Variants in DPY19L4 observed in about 807,000 individuals in gnomAD.
The protein encoded by DPY19L4 is probable C-mannosyltransferase DPY19L4.
A neutral mutation model predicts 102.8 loss-of-function variants in DPY19L4; 97 were observed. The observed-to-expected ratio is 0.94, with a 90% CI of 0.80 to 1.12. The LOEUF (loss-of-function observed/expected upper bound fraction) is 1.12, where lower values mean the gene tolerates loss of function less well. Ranked by LOEUF, DPY19L4 falls within the 50% of genes most tolerant of loss-of-function variation. DPY19L4 has a pLI of 0.00. For synonymous variants in DPY19L4, 252 were observed against 283.1 expected (o/e 0.89, Z 1.10); for missense variants, 815 against 850.4 (o/e 0.96, Z 0.52).
chr8:94,732,303 A>T (rs1005574774), intron 2 of DPY19L4, among the ~76,000 whole-genome samples: 1 of 151,784 alleles, frequency 6.6e-6, no homozygotes, highest in Non-Finnish European at 1.5e-5. Flanking sequence ...TTAGTCCCTT[A>T]TTTTTTTTAT....
rs1373926659 is a variant in DPY19L4, at chr8:94,793,063, A to G, written c.*3153A>G. The G allele has an allele frequency of 2.0e-5, 3 of 152,180 alleles. No individual in the cohort carries two copies. In the East Asian group the frequency reaches 5.8e-4, roughly 29 times the overall value. The allele number at this position is 152,180 out of a possible 1,614,324, so 9.4% of individuals were successfully genotyped here. A position where few individuals can be genotyped will look rare whatever the true frequency, so the allele number is the denominator to read the frequency against. On this transcript the variant is annotated 3_prime_UTR_variant, in exon 19 of 19. Transcript: ENST00000414645. ...GAGTTTAAGAACCTAAGGAGTATGCATTGTACTTCAGTGCTAACTTTTTTC... is the reference window on the plus strand; with the variant it reads ...GAGTTTAAGAACCTAAGGAGTATGCGTTGTACTTCAGTGCTAACTTTTTTC...
intron 17 of DPY19L4, among the ~76,000 whole-genome samples, chr8:94,784,275 A>G (rs1813560842): frequency 6.6e-6 from 1 of 151,768 alleles, no homozygotes; most frequent in South Asian, 2.1e-4. Context: ...CAGTGGCGCA[A>G]TCTCGGCTCA....
In DPY19L4 at chr8:94,770,504, A is replaced by C. The variant is rs377470836; in HGVS notation, c.1387A>C (p.Arg463=). 3 of 1,614,006 alleles carry C rather than the reference A, an allele frequency of 1.9e-6. No individual in the cohort carries two copies. In the South Asian group the frequency reaches 3.3e-5, roughly 18 times the overall value. ...VTLEDGRIGE[R]PEIIYHVIHT... Reference sequence around the variant, plus strand: ...TCTTGAAGATGGACGAATTGGAGAAAGACCAGAAATAATTTATCATGTAAT... The same window carrying C: ...TCTTGAAGATGGACGAATTGGAGAACGACCAGAAATAATTTATCATGTAAT... Residue 463 remains arginine (R), a synonymous_variant, in exon 13 of 19, where the codon AGA becomes CGA. Transcript: ENST00000414645.
intron 13 of DPY19L4, 104 bp from the exon 14 acceptor site, chr8:94,777,562 T>G: frequency 1.5e-6 from 2 of 1,370,096 alleles, no homozygotes; most frequent in Non-Finnish European, 2.0e-6. Context: ...TCCCTTAGCA[T>G]TTTGGTATTT....
intron 2 of DPY19L4, among the ~76,000 whole-genome samples, chr8:94,726,689 G>A (rs1427218592): frequency 6.6e-6 from 1 of 152,100 alleles, no homozygotes; most frequent in African/African-American, 2.4e-5. Context: ...CCGTATTTGG[G>A]AAAGATTTTT....
At chr8:94,780,237 A>AT (rs918859758) in intron 14 of DPY19L4, 122 bp from the exon 15 acceptor site, 23 of 701,170 alleles carry the variant, frequency 3.3e-5, no homozygotes, top group South Asian at 1.1e-4. Flanking sequence ...TGTTGACTTC[A>AT]TTTTTTTTGA....
At chr8:94,769,309 G>A (rs1007675277) in intron 12 of DPY19L4, among the ~76,000 whole-genome samples, 1 of 151,928 alleles carries the variant, frequency 6.6e-6, no homozygotes. Context: ...TGATCCACCC[G>A]TCTTGGCCTC....
At chr8:94,763,302 T>A (rs923196440) in intron 8 of DPY19L4, among the ~76,000 whole-genome samples, 5 of 150,640 alleles carry the variant, frequency 3.3e-5, no homozygotes, top group Admixed American at 6.6e-5. Flanking sequence ...TTGACTGATT[T>A]TTTTTCTGTC....
chr8:94,760,127 T>G (rs749138519), intron 7 of DPY19L4, among the ~76,000 whole-genome samples: 1 of 152,258 alleles, frequency 6.6e-6, no homozygotes, highest in Non-Finnish European at 1.5e-5. Flanking sequence ...AGGTTGTGTT[T>G]GATACGTAGT....
Position 94,790,046 on chromosome 8 carries a change from G to A in DPY19L4, c.*136G>A. 3 of 797,630 alleles carry A rather than the reference G, an allele frequency of 3.8e-6. No homozygotes were observed. Among genetic ancestry groups the A allele is most frequent in the South Asian group, 2.0e-5 (1 of 50,666 alleles). 49.4% of individuals were successfully genotyped at this position (797,630 alleles called of 1,614,324 possible). A position where few individuals can be genotyped will look rare whatever the true frequency, so the allele number is the denominator to read the frequency against. On this transcript the variant is annotated 3_prime_UTR_variant, in exon 19 of 19. Transcript: ENST00000414645. ...TCTTTCCCCCTTCTGCTGTTAACTG[G>A]ATCCAGAGTTCTGTGGGAAATAGAA...
At chr8:94,765,113 T>C (rs1812610626) in intron 8 of DPY19L4, 70 bp from the exon 9 acceptor site, 1 of 1,126,950 alleles carries the variant, frequency 8.9e-7, no homozygotes, top group Non-Finnish European at 1.2e-6. Context: ...GTTAAATCTA[T>C]ATAAAACAAA....
At chr8:94,788,095 A>ATATATATATATATATATATATAT (rs778540423) in intron 18 of DPY19L4, 43 bp downstream of exon 18, 1 of 939,262 alleles carries the variant, frequency 1.1e-6, no homozygotes, top group African/African-American at 2.3e-5. Flanking sequence ...ATATATATAT[A>ATATATATATATATATATATATAT]TTTTTTTTTT....
At position 94,732,888 on chromosome 8, in the gene DPY19L4, A is replaced by T. The variant is rs1296278653; in HGVS notation, c.128-1742A>T. Among the ~76,000 whole-genome samples the T allele has an allele frequency of 2.8e-5, 4 of 141,202 alleles. No individual in the cohort carries two copies. The South Asian group carries it at 8.6e-4, about 30-fold the overall frequency. The allele number at this position is 141,202 out of a possible 152,430, so 92.6% of individuals were successfully genotyped here. On this transcript the variant is annotated intron_variant, in intron 2 of 18. Transcript: ENST00000414645. The stretch of plus-strand genomic sequence containing the variant: ...TGCAGTGTTGCCATCTCGGTTCACT[A>T]CAACCTCTGCCTCCTGGGCTAAAGC...
At chr8:94,757,537 G>A (rs1163044357) in intron 7 of DPY19L4, among the ~76,000 whole-genome samples, 2 of 151,968 alleles carry the variant, frequency 1.3e-5, no homozygotes, top group East Asian at 1.9e-4. Flanking sequence ...AGCCTCCTGT[G>A]TAGCTGAGAT....
At chr8:94,758,734 A>AT (rs1812271325) in intron 7 of DPY19L4, among the ~76,000 whole-genome samples, 1 of 145,886 alleles carries the variant, frequency 6.9e-6, no homozygotes. Context: ...GTATTTTAGC[A>AT]ATTTTTTTTT....
chr8:94,782,508 T>TTTTTTTTTTTTTTTTTGAGACG (rs1563617066), intron 16 of DPY19L4, among the ~76,000 whole-genome samples: 11 of 151,774 alleles, frequency 7.2e-5, no homozygotes, highest in Middle Eastern at 3.4e-3. Context: ...TGGCCATTTT[T>TTTTTTTTTTTTTTTTTGAGACG]GTAACCAGTC....
chr8:94,733,118 C>CG (rs1811038695), intron 2 of DPY19L4, among the ~76,000 whole-genome samples: 2 of 76,328 alleles, frequency 2.6e-5, no homozygotes, highest in Middle Eastern at 0.013. Context: ...TCATCTTAAC[C>CG]TTTTTTTTTT....
intron 1 of DPY19L4, 96 bp downstream of exon 1, chr8:94,720,110 C>T: frequency 1.4e-6 from 2 of 1,401,594 alleles, no homozygotes; most frequent in Non-Finnish European, 1.8e-6. Flanking sequence ...TGCTGGTGGC[C>T]GCGGTCGCGG....
Position 94,754,585 on chromosome 8 carries a change from C to G in DPY19L4, c.612-1451C>G, listed in dbSNP as rs574459309. On this transcript the variant is annotated intron_variant, in intron 6 of 18. Coordinates refer to ENST00000414645, the MANE Select transcript of DPY19L4 (RefSeq NM_181787.3). ...ATCATTATTACTTAGGAAAGTTAGG[C>G]AGCAATTTTCATAAATTTTCAAAAA... Among the ~76,000 whole-genome samples, 8 of 152,258 alleles carry G rather than the reference C, an allele frequency of 5.3e-5. No individual in the cohort carries two copies. The East Asian group carries it at 1.5e-3, about 29-fold the overall frequency.
Sources: gnomAD v4.1 joint callset for allele counts (sites outside exome capture counted in the v4.1 genomes callset) on GRCh38, gnomAD v4.1.1 for gene constraint, MANE v1.5 for transcripts, NCBI Gene and HGNC (gene_info 2026-07-23, HGNC 2026-07-21) for gene names.